The following SLC4A5 variants were observed in gnomAD, a reference collection of about 807,000 sequenced individuals.
SLC4A5 encodes solute carrier family 4 member 5.
SLC4A5 carries 96 observed loss-of-function variants against 120.4 expected under a neutral mutation model. That is an observed-to-expected ratio of 0.80 (90% CI 0.68 to 0.94). SLC4A5 has a LOEUF of 0.94. Among genes scored for constraint, SLC4A5 ranks in the 40% least tolerant of loss-of-function variants. SLC4A5 has a pLI of 0.00. For synonymous variants in SLC4A5, 550 were observed against 571.1 expected (o/e 0.96, Z 0.53); for missense variants, 1,259 against 1,459.5 (o/e 0.86, Z 2.24).
At chr2:74,315,139 C>G in intron 5 of SLC4A5, 114 bp from the exon 6 acceptor site, 2 of 927,730 alleles carry the variant, frequency 2.2e-6, no homozygotes, top group Non-Finnish European at 3.5e-6. Flanking sequence ...AGATAAAAAA[C>G]TAAGACAAAA....
chr2:74,261,728 C>A (rs1038457953), intron 11 of SLC4A5, among the ~76,000 whole-genome samples: 1 of 152,094 alleles, frequency 6.6e-6, no homozygotes, highest in Non-Finnish European at 1.5e-5. Context: ...CATGAGACTG[C>A]CACCCAGTGA....
At chr2:74,326,205 T>C (rs1045294711) in intron 5 of SLC4A5, among the ~76,000 whole-genome samples, 6 of 152,208 alleles carry the variant, frequency 3.9e-5, no homozygotes, top group Non-Finnish European at 8.8e-5. Flanking sequence ...TTGAGTTACT[T>C]GTATCCAAAG....
intron 17 of SLC4A5, among the ~76,000 whole-genome samples, chr2:74,248,936 A>G (rs1670705043): frequency 1.3e-5 from 2 of 152,356 alleles, no homozygotes; most frequent in South Asian, 2.1e-4. Flanking sequence ...ACAAGATAAC[A>G]TATCTTCATT....
chr2:74,250,573 A>G (rs1670759499), intron 16 of SLC4A5, 56 bp from the exon 17 acceptor site: 1 of 1,593,486 alleles, frequency 6.3e-7, no homozygotes. Context: ...GTGCAGGGGC[A>G]GGGCTATTTA....
intron 10 of SLC4A5, among the ~76,000 whole-genome samples, chr2:74,263,251 G>A (rs1671199353): frequency 6.6e-6 from 1 of 152,096 alleles, no homozygotes; most frequent in Non-Finnish European, 1.5e-5. Context: ...AAGCCATGAG[G>A]TTTATGTATT....
At chr2:74,316,205 T>C (rs1672958715) in intron 5 of SLC4A5, among the ~76,000 whole-genome samples, 1 of 150,746 alleles carries the variant, frequency 6.6e-6, no homozygotes, top group African/African-American at 2.4e-5. Flanking sequence ...AATTGACTTT[T>C]AAAAAAATTA....
At chr2:74,239,695 T>C (rs1670376439) in intron 20 of SLC4A5, among the ~76,000 whole-genome samples, 160 bp from the exon 21 acceptor site, 1 of 152,138 alleles carries the variant, frequency 6.6e-6, no homozygotes. Flanking sequence ...GTTCAAGGAA[T>C]GACAAGCTCC....
chr2:74,236,104 C>T (rs1250817131), intron 21 of SLC4A5, among the ~76,000 whole-genome samples: 1 of 152,056 alleles, frequency 6.6e-6, no homozygotes, highest in Non-Finnish European at 1.5e-5. Context: ...GCAAAGTCTC[C>T]CACCTCCCCT....
intron 6 of SLC4A5, among the ~76,000 whole-genome samples, chr2:74,306,550 T>C (rs1263627421): frequency 6.6e-6 from 1 of 152,244 alleles, no homozygotes; most frequent in Admixed American, 6.5e-5. Context: ...CTTTCACTCT[T>C]ACAGGAATCA....
intron 8 of SLC4A5, among the ~76,000 whole-genome samples, chr2:74,278,032 T>A (rs200949802): frequency 1.3e-5 from 2 of 152,180 alleles, no homozygotes; most frequent in Non-Finnish European, 2.9e-5. Flanking sequence ...TTTGAAATTT[T>A]TCATAATAAA....
intron 8 of SLC4A5, among the ~76,000 whole-genome samples, chr2:74,281,436 T>C (rs1201844632): frequency 6.6e-6 from 1 of 152,176 alleles, no homozygotes; most frequent in Non-Finnish European, 1.5e-5. Context: ...GTAAATAGTT[T>C]GCTCACAGTC....
At chr2:74,278,968 C>G (rs973541637) in intron 8 of SLC4A5, among the ~76,000 whole-genome samples, 5 of 152,216 alleles carry the variant, frequency 3.3e-5, no homozygotes, top group African/African-American at 1.2e-4. Flanking sequence ...AAACCACAGA[C>G]CGGCCTGGAA....
chr2:74,274,837 A>G (rs1164215325), intron 8 of SLC4A5, among the ~76,000 whole-genome samples: 2 of 152,226 alleles, frequency 1.3e-5, no homozygotes, highest in African/African-American at 4.8e-5. Context: ...TATACAGGGT[A>G]AGCCAAATTA....
intron 24 of SLC4A5, 105 bp from the exon 25 acceptor site, chr2:74,231,413 G>A: frequency 1.0e-6 from 1 of 975,126 alleles, no homozygotes; most frequent in Non-Finnish European, 1.5e-6. Context: ...CCAAGGCCAT[G>A]GCCTTGAGGG....
rs145380810 is a variant in SLC4A5, at chr2:74,221,879, A to G, written c.3332-378T>C. On this transcript the variant is annotated intron_variant, in intron 29 of 30. Coordinates refer to ENST00000394019, the Ensembl canonical transcript of SLC4A5. The stretch of plus-strand genomic sequence containing the variant: ...TATTAGAAGCACGGGGCTCGGGACT[A>G]AGGTAGGGATCTTTCAGAAGACCTC... Among the ~76,000 whole-genome samples, 33 of 152,232 alleles carry G rather than the reference A, an allele frequency of 2.2e-4. No individual in the cohort carries two copies. In the East Asian group the frequency reaches 6.4e-3, roughly 29 times the overall value.
In SLC4A5 at chr2:74,296,025, G is replaced by T. The variant is rs1037266102; in HGVS notation, c.271+8464C>A. Reference sequence around the variant, plus strand: ...ATAAGGTTATAAAAACTTTATATTAGGATTTTCATTGGTTCACTTGCAAAT... The same window carrying T: ...ATAAGGTTATAAAAACTTTATATTATGATTTTCATTGGTTCACTTGCAAAT... On this transcript the variant is annotated intron_variant, in intron 7 of 30. Coordinates refer to ENST00000394019, the Ensembl canonical transcript of SLC4A5. Among the ~76,000 whole-genome samples, 4 of 152,272 alleles carry T rather than the reference G, an allele frequency of 2.6e-5. No homozygotes were observed. In the East Asian group the frequency reaches 7.7e-4, roughly 29 times the overall value.
At position 74,255,690 on chromosome 2, in the gene SLC4A5, C is replaced by T. The variant is rs1359420388; in HGVS notation, c.1025+85G>A. The T allele has an allele frequency of 8.6e-5, 131 of 1,516,586 alleles. No homozygotes were observed. Among genetic ancestry groups the T allele is most frequent in the Non-Finnish European group, 1.1e-4 (124 of 1,109,106 alleles). The allele number at this position is 1,516,586 out of a possible 1,614,324, so 93.9% of individuals were successfully genotyped here. On this transcript the variant is annotated intron_variant, in intron 13 of 30. Coordinates refer to ENST00000394019, the Ensembl canonical transcript of SLC4A5. This position sits in a 1 kb window ranked among gnomAD's most constrained non-coding sequence, Gnocchi z 4.0. Reference sequence around the variant, plus strand: ...ACGTTTAGAGGTGCCTTTGAGAACACTAACAGTCAACAGCACTGCTTGCTG... The same window carrying T: ...ACGTTTAGAGGTGCCTTTGAGAACATTAACAGTCAACAGCACTGCTTGCTG...
At chr2:74,225,675 A>C (rs1694817308) in intron 27 of SLC4A5, among the ~76,000 whole-genome samples, 2 of 152,244 alleles carry the variant, frequency 1.3e-5, no homozygotes, top group Admixed American at 1.3e-4. Flanking sequence ...GTTAATTAAT[A>C]CACAAATCAC....
At chr2:74,223,522 C>T (rs1412377379) in intron 28 of SLC4A5, among the ~76,000 whole-genome samples, 1 of 152,168 alleles carries the variant, frequency 6.6e-6, no homozygotes, top group Non-Finnish European at 1.5e-5. Flanking sequence ...GTCACAGCAA[C>T]CAGTCACTTG....
Sources: allele counts gnomAD v4.1 joint callset (sites outside exome capture counted in the v4.1 genomes callset), GRCh38; gene constraint gnomAD v4.1.1; non-coding constraint Gnocchi (gnomAD v3.1); transcripts MANE v1.5; gene names NCBI Gene and HGNC (gene_info 2026-07-23, HGNC 2026-07-21).